The following OR10Z1 variants were observed in gnomAD, a reference collection of about 807,000 sequenced individuals.
OR10Z1 encodes the protein olfactory receptor 10Z1.
For synonymous variants in OR10Z1, 187 were observed against 151.2 expected (o/e 1.24, Z -1.74); for missense variants, 468 against 371.0 (o/e 1.26, Z -2.15).
chr1:158,611,081 T>C lies in OR10Z1; in HGVS notation c.*3701T>C. 1 of 813,056 alleles carries C rather than the reference T, an allele frequency of 1.2e-6. No individual in the cohort carries two copies. The highest frequency in any genetic ancestry group is 1.7e-5 in the African/African-American group (1 of 58,298). The allele number at this position is 813,056 out of a possible 1,614,324, so 50.4% of individuals were successfully genotyped here. ...CTATTAACCTTTCTATCTCCCACCC[T>C]TGAGATTTTTTAAGATCCTACAATA... is the stretch of plus-strand genomic sequence containing the variant. On this transcript the variant is annotated 3_prime_UTR_variant, in exon 2 of 2. Coordinates refer to ENST00000641002, the MANE Select transcript of OR10Z1 (RefSeq NM_001004478.2).
chr1:158,606,249 C>G (rs141343792), intron 1 of OR10Z1, 77 bp from the exon 2 acceptor site: 1 of 590,798 alleles, frequency 1.7e-6, no homozygotes, highest in Non-Finnish European at 3.0e-6. Flanking sequence ...TGGGAATGGA[C>G]CCATACATTT....
In OR10Z1 at chr1:158,610,380, A is replaced by G. The variant is rs191346236; in HGVS notation, c.*3000A>G. The G allele has an allele frequency of 5.3e-5, 8 of 152,330 alleles. No homozygotes were observed. Among genetic ancestry groups the G allele is most frequent in the African/African-American group, 1.9e-4 (8 of 41,586 alleles). The allele number at this position is 152,330 out of a possible 1,614,324, so 9.4% of individuals were successfully genotyped here. The stretch of plus-strand genomic sequence containing the variant: ...ATAGATCAAATCAGAATGTCGGCAT[A>G]TAAACCTGTTCAGAATAAACCTGGC... On this transcript the variant is annotated 3_prime_UTR_variant, in exon 2 of 2. Coordinates refer to ENST00000641002, the MANE Select transcript of OR10Z1 (RefSeq NM_001004478.2).
chr1:158,606,473 T>A lies in OR10Z1; in HGVS notation c.35T>A (p.Phe12Tyr), dbSNP rs756118897. The A allele has an allele frequency of 3.1e-6, 5 of 1,613,726 alleles. No individual in the cohort carries two copies. In the East Asian group the frequency reaches 1.1e-4, roughly 36 times the overall value. The change falls in exon 2 of 2, where the codon TTT becomes TAT. Residue 12 changes from phenylalanine to tyrosine, a missense_variant. Physicochemically the swap from Phe to Tyr is conservative, Grantham distance 22. Transcript: ENST00000641002. ...ACCAACGTAACCTCCTGGAGGGATT[T>A]TGTCTTCCTGGGCTTCTCCAGTTCT... ...GQTNVTSWRD[F>Y]VFLGFSSSGE...
rs919531937 is a variant in OR10Z1, at chr1:158,611,170, G to T, written c.*3790G>T. ...ACACACACACACACACACACACGAGGCCATCTTTATCTTCCACATTTGCCT... is the reference window on the plus strand; with the variant it reads ...ACACACACACACACACACACACGAGTCCATCTTTATCTTCCACATTTGCCT... On this transcript the variant is annotated 3_prime_UTR_variant, in exon 2 of 2. Coordinates refer to ENST00000641002, the MANE Select transcript of OR10Z1 (RefSeq NM_001004478.2). 8.0e-5 allele frequency: 84 copies of T among 1,049,416 alleles called. No individual in the cohort carries two copies. In the South Asian group the frequency reaches 1.1e-3, roughly 14 times the overall value. 65.0% of individuals were successfully genotyped at this position (1,049,416 alleles called of 1,614,324 possible).
rs2101736763 is a variant in OR10Z1 at position 158,607,485 on chromosome 1, C to T, written c.*105C>T. 1.2e-6 allele frequency: 1 copy of T among 840,604 alleles called. No homozygotes were observed. The highest frequency in any genetic ancestry group is 2.5e-5 in the Admixed American group (1 of 40,332). 52.1% of individuals were successfully genotyped at this position (840,604 alleles called of 1,614,324 possible). A position where few individuals can be genotyped will look rare whatever the true frequency, so the allele number is the denominator to read the frequency against. ...GGCCTCAGGCCAAAGCTGTCCTACC[C>T]CCAATCTTCTGGGAAAGCCTTATCC... On this transcript the variant is annotated 3_prime_UTR_variant, in exon 2 of 2. Transcript: ENST00000641002.
Position 158,610,700 on chromosome 1 carries a change from C to T in OR10Z1, c.*3320C>T, listed in dbSNP as rs1446878972. 1 of 152,654 alleles carries T rather than the reference C, an allele frequency of 6.6e-6. No homozygotes were observed. The highest frequency in any genetic ancestry group is 2.4e-5 in the African/African-American group (1 of 41,422). The allele number at this position is 152,654 out of a possible 1,614,324, so 9.5% of individuals were successfully genotyped here. On this transcript the variant is annotated 3_prime_UTR_variant, in exon 2 of 2. Transcript: ENST00000641002. Reference sequence around the variant, plus strand: ...GTTTCATTGTACAAACTAAAATATTCATGTTCCCCAGAAAATCAAATATCT... The same window carrying T: ...GTTTCATTGTACAAACTAAAATATTTATGTTCCCCAGAAAATCAAATATCT...
Position 158,608,175 on chromosome 1 carries a change from C to T in OR10Z1, c.*795C>T, listed in dbSNP as rs957033158. On this transcript the variant is annotated 3_prime_UTR_variant, in exon 2 of 2. Transcript: ENST00000641002. ...TTTTTTTTATAACTGTTAATGTTCC[C>T]TGGTAGCTTCAGAATCTTGAGTGTC... is the stretch of plus-strand genomic sequence containing the variant. The T allele has an allele frequency of 1.3e-4, 20 of 151,982 alleles. No individual in the cohort carries two copies. The highest frequency in any genetic ancestry group is 2.6e-4 in the Non-Finnish European group (18 of 67,998). The allele number at this position is 151,982 out of a possible 1,614,324, so 9.4% of individuals were successfully genotyped here.
In OR10Z1 at chr1:158,611,166, C is replaced by CAA; in HGVS notation, c.*3786_*3787insAA. The stretch of plus-strand genomic sequence containing the variant: ...ACACACACACACACACACACACACA[C>CAA]GAGGCCATCTTTATCTTCCACATTT... On this transcript the variant is annotated 3_prime_UTR_variant, in exon 2 of 2. Transcript: ENST00000641002. 7.2e-7 allele frequency: 1 copy of CAA among 1,387,714 alleles called. No homozygotes were observed. The highest frequency in any genetic ancestry group is 1.0e-6 in the Non-Finnish European group (1 of 989,752). 86.0% of individuals were successfully genotyped at this position (1,387,714 alleles called of 1,614,324 possible). A position where few individuals can be genotyped will look rare whatever the true frequency, so the allele number is the denominator to read the frequency against.
Position 158,607,163 on chromosome 1 carries a change from C to T in OR10Z1, c.725C>T (p.Ala242Val), listed in dbSNP as rs772914422. The T allele has an allele frequency of 5.6e-6, 9 of 1,614,076 alleles. No homozygotes were observed. In the South Asian group the frequency reaches 9.9e-5, roughly 18 times the overall value. The change falls in exon 2 of 2, where the codon GCC becomes GTC. Residue 242 changes from alanine (A) to valine (V), a missense_variant. Transcript: ENST00000641002. ...CAGAAGAAGGCCTTCTCCACTTGTG[C>T]CTCGCACCTTACAGTGGTCATTATT... The part of the protein sequence containing the change: ...EGQKKAFSTC[A>V]SHLTVVIIHY...
In OR10Z1 at chr1:158,608,164, G is replaced by A. The variant is rs925570964; in HGVS notation, c.*784G>A. The A allele has an allele frequency of 2.0e-5, 3 of 151,816 alleles. No homozygotes were observed. Among genetic ancestry groups the A allele is most frequent in the African/African-American group, 7.3e-5 (3 of 41,320 alleles). 9.4% of individuals were successfully genotyped at this position (151,816 alleles called of 1,614,324 possible). A position where few individuals can be genotyped will look rare whatever the true frequency, so the allele number is the denominator to read the frequency against. On this transcript the variant is annotated 3_prime_UTR_variant, in exon 2 of 2. Coordinates refer to ENST00000641002, the MANE Select transcript of OR10Z1 (RefSeq NM_001004478.2). ...TTACTTCCTATTTTTTTTTATAACT[G>A]TTAATGTTCCCTGGTAGCTTCAGAA...
Position 158,609,535 on chromosome 1 carries a change from A to G in OR10Z1, c.*2155A>G, listed in dbSNP as rs1649150741. On this transcript the variant is annotated 3_prime_UTR_variant, in exon 2 of 2. Coordinates refer to ENST00000641002, the MANE Select transcript of OR10Z1 (RefSeq NM_001004478.2). ...AGTAAGGATGTTTCAAGTATTGCTA[A>G]GTAATACTTAGAGGTCTAACTTCCA... 6.6e-6 allele frequency: 1 copy of G among 152,212 alleles called. No homozygotes were observed. The highest frequency in any genetic ancestry group is 1.5e-5 in the Non-Finnish European group (1 of 68,022). 9.4% of individuals were successfully genotyped at this position (152,212 alleles called of 1,614,324 possible). A position where few individuals can be genotyped will look rare whatever the true frequency, so the allele number is the denominator to read the frequency against.
At position 158,607,400 on chromosome 1, in the gene OR10Z1, C is replaced by A. The variant is rs369995399; in HGVS notation, c.*20C>A. 1.1e-5 allele frequency: 18 copies of A among 1,584,444 alleles called. No individual in the cohort carries two copies. The highest frequency in any genetic ancestry group is 2.7e-5 in the African/African-American group (2 of 74,350). ...GGATGAAGGTTACCCCAATAGGACA[C>A]TTTCTTCTGTGTAGGCTGGGCATAG... On this transcript the variant is annotated 3_prime_UTR_variant, in exon 2 of 2. Transcript: ENST00000641002.
At position 158,606,703 on chromosome 1, in the gene OR10Z1, G is replaced by T. The variant is rs762941391; in HGVS notation, c.265G>T (p.Asp89Tyr). Residue 89 changes from aspartate to tyrosine, a missense_variant, in exon 2 of 2, where the codon GAC (aspartate) becomes TAC (tyrosine). Coordinates refer to ENST00000641002, the MANE Select transcript of OR10Z1 (RefSeq NM_001004478.2). ...PRMLSGLAGGDQAISYVGCAA... is the reference protein window; with the variant it reads ...PRMLSGLAGGYQAISYVGCAA... ...AATGCTCTCTGGCCTGGCTGGGGGG[G>T]ACCAGGCTATCTCCTATGTGGGCTG... 5.6e-6 allele frequency: 9 copies of T among 1,614,028 alleles called. No individual in the cohort carries two copies. In the South Asian group the frequency reaches 8.8e-5, roughly 16 times the overall value.
chr1:158,607,317 G>T lies in OR10Z1; in HGVS notation c.879G>T (p.Arg293Ser), dbSNP rs781215502. 136 of 1,613,790 alleles carry T rather than the reference G, an allele frequency of 8.4e-5. No individual in the cohort carries two copies. Among genetic ancestry groups the T allele is most frequent in the Non-Finnish European group, 1.1e-4 (131 of 1,179,866 alleles). ...TTAATCCCATTGTTTATAGTCTAAG[G>T]AATAGGGCTATACAGACAGCTCTGA... is the stretch of plus-strand genomic sequence containing the variant. ...PLLNPIVYSL[R>S]NRAIQTALRN... The change falls in exon 2 of 2, where the codon AGG becomes AGT. Residue 293 changes from arginine to serine, a missense_variant. Physicochemically the swap from Arg to Ser is moderately radical, Grantham distance 110 (BLOSUM62 -1). Coordinates refer to ENST00000641002, the MANE Select transcript of OR10Z1 (RefSeq NM_001004478.2).
Position 158,611,488 on chromosome 1 carries a change from G to T in OR10Z1, c.*4108G>T. 1 of 1,421,680 alleles carries T rather than the reference G, an allele frequency of 7.0e-7. No homozygotes were observed. Among genetic ancestry groups the T allele is most frequent in the Non-Finnish European group, 9.8e-7 (1 of 1,021,080 alleles). 88.1% of individuals were successfully genotyped at this position (1,421,680 alleles called of 1,614,324 possible). A position where few individuals can be genotyped will look rare whatever the true frequency, so the allele number is the denominator to read the frequency against. On this transcript the variant is annotated 3_prime_UTR_variant, in exon 2 of 2. Coordinates refer to ENST00000641002, the MANE Select transcript of OR10Z1 (RefSeq NM_001004478.2). The stretch of plus-strand genomic sequence containing the variant: ...ACGCCATAAATGCAGGAGATGGAGA[G>T]TCTCTGGAAGACGCAAGCCCTATTT...
Position 158,606,665 on chromosome 1 carries a change from G to A in OR10Z1, c.227G>A (p.Gly76Asp). The part of the protein sequence containing the change: ...LSFSETCYTL[G>D]IIPRMLSGLA... Reference sequence around the variant, plus strand: ...TTCTCTGAGACCTGCTACACTTTGGGCATCATCCCTAGAATGCTCTCTGGC... The same window carrying A: ...TTCTCTGAGACCTGCTACACTTTGGACATCATCCCTAGAATGCTCTCTGGC... Residue 76 changes from glycine to aspartate, a missense_variant, in exon 2 of 2, where the codon GGC (glycine) becomes GAC (aspartate). Transcript: ENST00000641002. 1 of 1,613,952 alleles carries A rather than the reference G, an allele frequency of 6.2e-7. No homozygotes were observed. The highest frequency in any genetic ancestry group is 1.7e-4 in the Middle Eastern group (1 of 6,058).
rs556093554 is a variant in OR10Z1, at chr1:158,606,494, G to C, written c.56G>C (p.Ser19Thr). Residue 19 changes from serine to threonine, a missense_variant, in exon 2 of 2, where the codon AGT becomes ACT. Physicochemically the swap from Ser to Thr is moderately conservative, Grantham distance 58. Coordinates refer to ENST00000641002, the MANE Select transcript of OR10Z1 (RefSeq NM_001004478.2). ...WRDFVFLGFS[S>T]SGELQLLLFA... The stretch of plus-strand genomic sequence containing the variant: ...GATTTTGTCTTCCTGGGCTTCTCCA[G>C]TTCTGGGGAGTTGCAGCTCCTTCTC... 5.6e-5 allele frequency: 91 copies of C among 1,613,876 alleles called. No individual in the cohort carries two copies. The highest frequency in any genetic ancestry group is 7.2e-5 in the Non-Finnish European group (85 of 1,179,938).
Position 158,611,130 on chromosome 1 carries a change from AGCAC to A in OR10Z1, c.*3751_*3754del, listed in dbSNP as rs1649227637. 3.4e-6 allele frequency: 3 copies of A among 879,066 alleles called. No homozygotes were observed. Among genetic ancestry groups the A allele is most frequent in the African/African-American group, 2.7e-5 (1 of 37,194 alleles). 54.5% of individuals were successfully genotyped at this position (879,066 alleles called of 1,614,324 possible). The stretch of plus-strand genomic sequence containing the variant: ...TAAATGTAATATGCACACAAACACA[AGCAC>A]ACACACACACACACACACACACACA... On this transcript the variant is annotated 3_prime_UTR_variant, in exon 2 of 2. Coordinates refer to ENST00000641002, the MANE Select transcript of OR10Z1 (RefSeq NM_001004478.2).
rs1016188115 is a variant in OR10Z1 at position 158,608,550 on chromosome 1, A to G, written c.*1170A>G. The G allele has an allele frequency of 6.6e-6, 1 of 152,186 alleles. No individual in the cohort carries two copies. Among genetic ancestry groups the G allele is most frequent in the Non-Finnish European group, 1.5e-5 (1 of 68,024 alleles). 9.4% of individuals were successfully genotyped at this position (152,186 alleles called of 1,614,324 possible). A position where few individuals can be genotyped will look rare whatever the true frequency, so the allele number is the denominator to read the frequency against. On this transcript the variant is annotated 3_prime_UTR_variant, in exon 2 of 2. Transcript: ENST00000641002. ...CCAATAAATTCCAGTTGCTACTATT[A>G]AAATGTGTGAAGGAAAAAGATATTG...
Sources: gnomAD v4.1 joint callset for allele counts on GRCh38, gnomAD v4.1.1 for gene constraint, MANE v1.5 for transcripts, NCBI Gene and HGNC (gene_info 2026-07-23, HGNC 2026-07-21) for gene names.